The following TUSC3 variants were observed in gnomAD, a reference collection of about 807,000 sequenced individuals.
The protein encoded by TUSC3 is dolichyl-diphosphooligosaccharide--protein glycosyltransferase subunit TUSC3.
A neutral mutation model predicts 44.8 loss-of-function variants in TUSC3; 45 were observed. The observed-to-expected ratio is 1.00, with a 90% CI of 0.79 to 1.29. The LOEUF (loss-of-function observed/expected upper bound fraction) is 1.29. Among genes scored for constraint, TUSC3 ranks in the 50% most tolerant of loss-of-function variants. The pLI, the probability that TUSC3 is intolerant of heterozygous loss-of-function variation, is 0.00. For synonymous variants in TUSC3, 212 were observed against 152.9 expected (o/e 1.39, Z -2.85); for missense variants, 519 against 437.9 (o/e 1.19, Z -1.65).
intron 2 of TUSC3, among the ~76,000 whole-genome samples, chr8:15,633,738 G>A (rs1189186270): frequency 6.6e-6 from 1 of 152,164 alleles, no homozygotes; most frequent in African/African-American, 2.4e-5. Flanking sequence ...AAGAGGCAAG[G>A]AAAGATTCTC....
chr8:15,778,266 C>A, the TUSC3 span, among the ~76,000 whole-genome samples: 2 of 152,106 alleles, frequency 1.3e-5, no homozygotes, highest in African/African-American at 2.4e-5. Context: ...TTCATACTAA[C>A]GTAATCTGAC....
Position 15,765,937 on chromosome 8 carries a change from G to T in TUSC3, c.*1781G>T, listed in dbSNP as rs1428224596. On this transcript the variant is annotated 3_prime_UTR_variant, in exon 11 of 11. Coordinates refer to ENST00000503731, the MANE Select transcript of TUSC3 (RefSeq NM_006765.4). ...CTTTTGTTTGTATCCTTAAATCTCA[G>T]AATTATCTTGCAGTTAATATGCAGC... 1 of 151,930 alleles carries T rather than the reference G, an allele frequency of 6.6e-6. No homozygotes were observed. The highest frequency in any genetic ancestry group is 1.5e-5 in the Non-Finnish European group (1 of 67,936). 9.4% of individuals were successfully genotyped at this position (151,930 alleles called of 1,614,324 possible). A position where few individuals can be genotyped will look rare whatever the true frequency, so the allele number is the denominator to read the frequency against.
intron 1 of TUSC3, among the ~76,000 whole-genome samples, chr8:15,614,240 TG>T (rs1394501582): frequency 1.3e-5 from 2 of 152,134 alleles, no homozygotes; most frequent in Admixed American, 1.3e-4. Context: ...GAGTCTAGGC[TG>T]AGATGGGGGT....
chr8:15,428,640 T>A (rs1799834800), intron 1 of TUSC3, among the ~76,000 whole-genome samples: 1 of 152,212 alleles, frequency 6.6e-6, no homozygotes. Context: ...TGTTGTTTCC[T>A]GACTTTGTAA....
chr8:15,534,598 G>T (rs908911561), intron 2 of TUSC3, among the ~76,000 whole-genome samples: 1 of 149,780 alleles, frequency 6.7e-6, no homozygotes, highest in Admixed American at 6.7e-5. Flanking sequence ...GGCCGAGATC[G>T]CGCCACTGCA....
At chr8:15,741,915 C>T (rs573043129) in intron 7 of TUSC3, among the ~76,000 whole-genome samples, 5 of 152,232 alleles carry the variant, frequency 3.3e-5, no homozygotes, top group East Asian at 3.9e-4. Flanking sequence ...CAGTAGAAAT[C>T]TCCTACATAT....
chr8:15,812,424 A>G, the TUSC3 span, among the ~76,000 whole-genome samples: 41 of 151,814 alleles, frequency 2.7e-4, no homozygotes, highest in Admixed American at 2.3e-3. Flanking sequence ...TTTGATTTCA[A>G]TATATCTATT....
intron 3 of TUSC3, among the ~76,000 whole-genome samples, chr8:15,653,561 A>G (rs963251658): frequency 3.3e-5 from 5 of 152,158 alleles, no homozygotes; most frequent in Admixed American, 2.6e-4. Flanking sequence ...ACATTTTCTC[A>G]GGTTAATTTT....
chr8:15,757,912 G>C (rs1585310593), intron 10 of TUSC3, 57 bp downstream of exon 10: 1 of 1,453,154 alleles, frequency 6.9e-7, no homozygotes, highest in Non-Finnish European at 9.6e-7. Flanking sequence ...AATATAGAGA[G>C]TATAACATTT....
At chr8:15,833,670 G>C in the TUSC3 span, among the ~76,000 whole-genome samples, 1 of 129,956 alleles carries the variant, frequency 7.7e-6, no homozygotes, top group Non-Finnish European at 1.8e-5. Context: ...TAGAACAAGA[G>C]ACACTAGGAC....
intron 1 of TUSC3, among the ~76,000 whole-genome samples, chr8:15,555,628 C>G (rs1585096867): frequency 6.6e-6 from 1 of 151,546 alleles, no homozygotes; most frequent in East Asian, 2.0e-4. Flanking sequence ...CTTCATTTCT[C>G]TCATATTTTA....
chr8:15,830,040 T>C, the TUSC3 span, among the ~76,000 whole-genome samples: 1 of 152,214 alleles, frequency 6.6e-6, no homozygotes, highest in Admixed American at 6.5e-5. Context: ...ATTTCTCTTA[T>C]GATTAGTGAT....
At chr8:15,574,566 G>A (rs1044990988) in intron 1 of TUSC3, among the ~76,000 whole-genome samples, 1 of 152,034 alleles carries the variant, frequency 6.6e-6, no homozygotes, top group South Asian at 2.1e-4. Context: ...ATTTAGTAAA[G>A]CATTCAGCTG....
At chr8:15,773,678 T>G in the TUSC3 span, among the ~76,000 whole-genome samples, 2 of 152,174 alleles carry the variant, frequency 1.3e-5, no homozygotes, top group Non-Finnish European at 2.9e-5. Context: ...GAAAACTTAA[T>G]ACAATTCTAC....
intron 2 of TUSC3, among the ~76,000 whole-genome samples, chr8:15,626,615 A>G (rs1295390511): frequency 6.6e-6 from 1 of 152,112 alleles, no homozygotes; most frequent in Non-Finnish European, 1.5e-5. Context: ...TGGCCCAGGA[A>G]GGCCCCCCTT....
chr8:15,455,822 C>A (rs1250205388), intron 1 of TUSC3, among the ~76,000 whole-genome samples: 1 of 152,208 alleles, frequency 6.6e-6, no homozygotes, highest in Non-Finnish European at 1.5e-5. Flanking sequence ...TTCCCCAAAA[C>A]TCAGCCATTT....
chr8:15,674,149 G>A (rs928306961), intron 6 of TUSC3, among the ~76,000 whole-genome samples: 7 of 151,932 alleles, frequency 4.6e-5, no homozygotes, highest in African/African-American at 1.7e-4. Context: ...CCCACTAGAG[G>A]AAATCGGAAT....
chr8:15,622,647 C>A (rs371550628), intron 1 of TUSC3, among the ~76,000 whole-genome samples: 1 of 152,180 alleles, frequency 6.6e-6, no homozygotes, highest in Admixed American at 6.5e-5. Context: ...ATAGTTGCAG[C>A]TTTGTGTTTG....
intron 1 of TUSC3, among the ~76,000 whole-genome samples, chr8:15,584,795 G>A (rs1415831087): frequency 6.6e-6 from 1 of 152,032 alleles, no homozygotes; most frequent in Non-Finnish European, 1.5e-5. Flanking sequence ...GTGAGTTTAG[G>A]GAATTTCAAA....
Sources: gnomAD v4.1 joint callset for allele counts (sites outside exome capture counted in the v4.1 genomes callset) on GRCh38, gnomAD v4.1.1 for gene constraint, MANE v1.5 for transcripts, NCBI Gene and HGNC (gene_info 2026-07-23, HGNC 2026-07-21) for gene names.